NUBP2: variants seen among roughly 807,000 people sequenced by gnomAD.
NUBP2 encodes NUBP iron-sulfur cluster assembly factor 2, cytosolic.
NUBP2 carries 23 observed loss-of-function variants against 24.9 expected under a neutral mutation model. The observed-to-expected ratio is 0.92, with a 90% CI of 0.66 to 1.31. The LOEUF (loss-of-function observed/expected upper bound fraction) is 1.31. Ranked by LOEUF, NUBP2 falls within the 50% of genes most tolerant of loss-of-function variation. NUBP2 has a pLI of 0.00. For missense variants in NUBP2, 403 were observed against 386.5 expected (o/e 1.04, Z -0.36); for synonymous variants, 186 against 170.9 (o/e 1.09, Z -0.69).
Position 1,788,057 on chromosome 16 carries a change from T to C in NUBP2, c.600+6T>C. On this transcript the variant is annotated splice_donor_region_variant and intron_variant, in intron 5 of 6. Transcript: ENST00000262302. ...TCACCTGCCCACACTGCACGGTGAGTCCCGGGGGTTGCAGAGGGGGCGAGG... is the reference window on the plus strand; with the variant it reads ...TCACCTGCCCACACTGCACGGTGAGCCCCGGGGGTTGCAGAGGGGGCGAGG... The C allele has an allele frequency of 6.3e-7, 1 of 1,578,948 alleles. No homozygotes were observed. Among genetic ancestry groups the C allele is most frequent in the Non-Finnish European group, 8.6e-7 (1 of 1,165,630 alleles).
chr16:1,787,575 G>A, intron 3 of NUBP2, 102 bp from the exon 4 acceptor site: 2 of 1,459,808 alleles, frequency 1.4e-6, no homozygotes, highest in Non-Finnish European at 9.4e-7. Flanking sequence ...GACACCTGAT[G>A]GACTGCAGCC....
At chr16:1,785,172 C>G (rs995567273) in intron 1 of NUBP2, 30 of 999,148 alleles carry the variant, frequency 3.0e-5, no homozygotes, top group African/African-American at 3.5e-5. Context: ...TCGCCTTCCT[C>G]GGGGAGATGG....
rs1006666169 is a variant in NUBP2 at position 1,785,800 on chromosome 16, T to C, written c.17-737T>C. The C allele has an allele frequency of 3.5e-5, 45 of 1,289,128 alleles. No homozygotes were observed. In the African/African-American group the frequency reaches 6.7e-4, roughly 19 times the overall value. 79.9% of individuals were successfully genotyped at this position (1,289,128 alleles called of 1,614,324 possible). Reference sequence around the variant, plus strand: ...AGGCGGATCAGAAGGGGGCAGGTTTTACGCATCATGTGTTGAGCCCCTCAC... The same window carrying C: ...AGGCGGATCAGAAGGGGGCAGGTTTCACGCATCATGTGTTGAGCCCCTCAC... On this transcript the variant is annotated intron_variant, in intron 1 of 6. Coordinates refer to ENST00000262302, the MANE Select transcript of NUBP2 (RefSeq NM_012225.4).
chr16:1,788,734 G>A lies in NUBP2; in HGVS notation c.*20G>A, dbSNP rs373382419. On this transcript the variant is annotated 3_prime_UTR_variant, in exon 7 of 7. Coordinates refer to ENST00000262302, the MANE Select transcript of NUBP2 (RefSeq NM_012225.4). ...CCCTGACTAAGGCCACCTTGCAGCCGCTTTCCAGGGCCACCAAGGGCTCTG... is the reference window on the plus strand; with the variant it reads ...CCCTGACTAAGGCCACCTTGCAGCCACTTTCCAGGGCCACCAAGGGCTCTG... 2.6e-5 allele frequency: 41 copies of A among 1,598,812 alleles called. No individual in the cohort carries two copies. Among genetic ancestry groups the A allele is most frequent in the Middle Eastern group, 1.7e-4 (1 of 6,020 alleles).
intron 1 of NUBP2, chr16:1,785,179 A>G: frequency 1.5e-5 from 15 of 997,786 alleles, no homozygotes; most frequent in Non-Finnish European, 1.8e-5. Flanking sequence ...CCTCGGGGAG[A>G]TGGTGCTTCG....
At chr16:1,787,305 G>A (rs903998814) in intron 3 of NUBP2, 1 of 412,340 alleles carries the variant, frequency 2.4e-6, no homozygotes, top group Non-Finnish European at 4.4e-6. Flanking sequence ...GGGAGAGGCT[G>A]GTGGGAGTGA....
rs569285981 is a variant in NUBP2, at chr16:1,784,007, T to C, written c.16+971T>C. ...GGCGCCTGGCCCAGTGCTGGAGTCT[T>C]ATTCCAGAGGAGAAGCCTGGAAAAG... On this transcript the variant is annotated intron_variant, in intron 1 of 6. Coordinates refer to ENST00000262302, the MANE Select transcript of NUBP2 (RefSeq NM_012225.4). 2.6e-5 allele frequency: 26 copies of C among 985,248 alleles called. No individual in the cohort carries two copies. In the South Asian group the frequency reaches 1.1e-3, roughly 43 times the overall value. 61.0% of individuals were successfully genotyped at this position (985,248 alleles called of 1,614,324 possible).
intron 1 of NUBP2, chr16:1,785,131 G>A (rs1176691434): frequency 2.0e-6 from 2 of 990,222 alleles, no homozygotes; most frequent in East Asian, 1.1e-4. Flanking sequence ...CCATAAAGCT[G>A]ACCGGGACTC....
At chr16:1,786,250 C>A in intron 1 of NUBP2, 3 of 488,188 alleles carry the variant, frequency 6.1e-6, no homozygotes, top group Non-Finnish European at 1.1e-5. Flanking sequence ...ACGCATGCAC[C>A]CTTCCACACA....
At chr16:1,787,148 C>G in intron 3 of NUBP2, 193 bp downstream of exon 3, 1 of 535,316 alleles carries the variant, frequency 1.9e-6, no homozygotes, top group Non-Finnish European at 3.2e-6. Context: ...CAGCTGTCCC[C>G]AACTCCCGGT....
chr16:1,786,562 G>A lies in NUBP2; in HGVS notation c.42G>A (p.Arg14=). The change falls in exon 2 of 7, where the codon AGG becomes AGA. Residue 14 remains arginine (R), a synonymous_variant. Transcript: ENST00000262302. ...AAEPGNLAGV[R]HIILVLSGKG... The stretch of plus-strand genomic sequence containing the variant: ...AGCCTGGAAACCTGGCCGGCGTCAG[G>A]CACATCATCCTGGTCCTCTCAGGAA... 6.2e-7 allele frequency: 1 copy of A among 1,603,108 alleles called. No individual in the cohort carries two copies. The highest frequency in any genetic ancestry group is 1.1e-5 in the South Asian group (1 of 90,776).
chr16:1,783,434 G>C (rs976509215), intron 1 of NUBP2: 1 of 1,014,030 alleles, frequency 9.9e-7, no homozygotes, highest in Non-Finnish European at 1.2e-6. Context: ...AGTCATGAAA[G>C]TAAGACGGAC....
Position 1,783,788 on chromosome 16 carries a change from G to A in NUBP2, c.16+752G>A, listed in dbSNP as rs149861903. 7.9e-3 allele frequency: 1,310 copies of A among 165,062 alleles called. 50 individuals carry two copies. In the East Asian group the frequency reaches 0.12, roughly 15 times the overall value. The allele number at this position is 165,062 out of a possible 1,614,324, so 10.2% of individuals were successfully genotyped here. The stretch of plus-strand genomic sequence containing the variant: ...GGCTCACTGCCAGCTCCGCCTCCCG[G>A]GTTCACGCCATTCTCCTGCCGCAGC... On this transcript the variant is annotated intron_variant, in intron 1 of 6. Transcript: ENST00000262302.
At chr16:1,783,129 C>T in intron 1 of NUBP2, 93 bp downstream of exon 1, 1 of 1,208,706 alleles carries the variant, frequency 8.3e-7, no homozygotes, top group Non-Finnish European at 1.0e-6. Flanking sequence ...CGTCGCGCGC[C>T]TCCGGTGCGA....
rs35066209 is a variant in NUBP2 at position 1,789,164 on chromosome 16, G to A, written c.*450G>A. ...ACTGTAGAGGCGCCTGCCATTAAAC[G>A]TGTCCGCTGCTGTGGCGACAGATCT... is the stretch of plus-strand genomic sequence containing the variant. On this transcript the variant is annotated 3_prime_UTR_variant, in exon 7 of 7. Transcript: ENST00000262302. 33 of 156,498 alleles carry A rather than the reference G, an allele frequency of 2.1e-4. 1 individual carries two copies. In the East Asian group the frequency reaches 4.7e-3, roughly 22 times the overall value. 9.7% of individuals were successfully genotyped at this position (156,498 alleles called of 1,614,324 possible).
At position 1,789,106 on chromosome 16, in the gene NUBP2, A is replaced by C; in HGVS notation, c.*392A>C. ...GTGTTTAGCTCGGGGAGTGCCCCCT[A>C]AGGGGGCGAACTGACCTCAGGCATG... On this transcript the variant is annotated 3_prime_UTR_variant, in exon 7 of 7. Transcript: ENST00000262302. 4 of 180,298 alleles carry C rather than the reference A, an allele frequency of 2.2e-5. No homozygotes were observed. Among genetic ancestry groups the C allele is most frequent in the Non-Finnish European group, 4.6e-5 (4 of 86,930 alleles). The allele number at this position is 180,298 out of a possible 1,614,324, so 11.2% of individuals were successfully genotyped here. A position where few individuals can be genotyped will look rare whatever the true frequency, so the allele number is the denominator to read the frequency against.
At chr16:1,785,662 T>C (rs767275430) in intron 1 of NUBP2, 14 of 1,288,810 alleles carry the variant, frequency 1.1e-5, no homozygotes, top group Middle Eastern at 2.2e-4. Flanking sequence ...GGGCTGCCTT[T>C]TCCGCGTCCC....
Position 1,788,750 on chromosome 16 carries a change from A to C in NUBP2, c.*36A>C. 1 of 1,592,132 alleles carries C rather than the reference A, an allele frequency of 6.3e-7. No homozygotes were observed. The highest frequency in any genetic ancestry group is 8.6e-7 in the Non-Finnish European group (1 of 1,168,536). On this transcript the variant is annotated 3_prime_UTR_variant, in exon 7 of 7. Transcript: ENST00000262302. Reference sequence around the variant, plus strand: ...CTTGCAGCCGCTTTCCAGGGCCACCAAGGGCTCTGCTCCAGCCTCTCAGAG... The same window carrying C: ...CTTGCAGCCGCTTTCCAGGGCCACCCAGGGCTCTGCTCCAGCCTCTCAGAG...
rs778519869 is a variant in NUBP2, at chr16:1,786,798, C to G, written c.177C>G (p.Pro59=). The stretch of plus-strand genomic sequence containing the variant: ...TGGACCTGTGTGGCCCCAGTATCCC[C>G]CGCATGCTCGGGGCGCAGGGCAGGG... ...LDVDLCGPSI[P]RMLGAQGRAV... Residue 59 remains proline (P), a synonymous_variant, in exon 3 of 7, where the codon CCC becomes CCG. Transcript: ENST00000262302. 1.2e-6 allele frequency: 2 copies of G among 1,610,276 alleles called. No homozygotes were observed. The highest frequency in any genetic ancestry group is 1.7e-5 in the Admixed American group (1 of 59,870).
Sources: allele counts gnomAD v4.1 joint callset, GRCh38; gene constraint gnomAD v4.1.1; transcripts MANE v1.5; gene names NCBI Gene and HGNC (gene_info 2026-07-23, HGNC 2026-07-21).